The following ITGA8 variants were observed in gnomAD, a reference collection of about 807,000 sequenced individuals.
The protein encoded by ITGA8 is integrin alpha-8.
A neutral mutation model predicts 142.3 loss-of-function variants in ITGA8; 91 were observed. The observed-to-expected ratio is 0.64, with a 90% CI of 0.54 to 0.76. The LOEUF (loss-of-function observed/expected upper bound fraction) is 0.76, where lower values mean the gene tolerates loss of function less well. ITGA8 is among the 30% of genes least tolerant of loss of function. The pLI, the probability that ITGA8 is intolerant of heterozygous loss-of-function variation, is 0.00. For synonymous variants in ITGA8, 505 were observed against 485.2 expected, an observed-to-expected ratio of 1.04 and a Z score of -0.54; for missense variants, 1,406 against 1,327.7, an observed-to-expected ratio of 1.06 and a Z score of -0.92.
chr10:15,610,256 A>G (rs2131613285), intron 15 of ITGA8, among the ~76,000 whole-genome samples: 1 of 152,322 alleles, frequency 6.6e-6, no homozygotes, highest in South Asian at 2.1e-4. Context: ...TCAAGATTTT[A>G]TAGTAGTGGG....
At chr10:15,628,590 C>G (rs1833630240) in intron 13 of ITGA8, among the ~76,000 whole-genome samples, 1 of 151,728 alleles carries the variant, frequency 6.6e-6, no homozygotes, top group Non-Finnish European at 1.5e-5. Context: ...CCTTGGCCTC[C>G]CAAAGTGCTG....
intron 2 of ITGA8, among the ~76,000 whole-genome samples, chr10:15,698,850 G>A (rs978629541): frequency 1.3e-5 from 2 of 152,078 alleles, no homozygotes; most frequent in Non-Finnish European, 1.5e-5. Flanking sequence ...ATGTTCTCCC[G>A]CTCTGTGGGT....
chr10:15,609,773 AC>A (rs1833259413), intron 15 of ITGA8, among the ~76,000 whole-genome samples: 1 of 152,180 alleles, frequency 6.6e-6, no homozygotes, highest in South Asian at 2.1e-4. Context: ...TTCATCTTTA[AC>A]TGTGTAGACC....
intron 2 of ITGA8, among the ~76,000 whole-genome samples, chr10:15,708,593 A>T (rs1052454824): frequency 6.6e-6 from 1 of 152,206 alleles, no homozygotes; most frequent in African/African-American, 2.4e-5. Flanking sequence ...AATTAAAAAA[A>T]AAGTTTTAAT....
At chr10:15,713,758 C>A (rs1228315590) in intron 2 of ITGA8, among the ~76,000 whole-genome samples, 2 of 152,222 alleles carry the variant, frequency 1.3e-5, no homozygotes, top group African/African-American at 2.4e-5. Flanking sequence ...CCCCCCAAAA[C>A]AAAGGCTTCC....
chr10:15,587,315 C>T (rs1030835777), intron 22 of ITGA8, among the ~76,000 whole-genome samples: 2 of 152,166 alleles, frequency 1.3e-5, no homozygotes, highest in Non-Finnish European at 2.9e-5. Context: ...AACATCTCTG[C>T]GCATATCATG....
intron 27 of ITGA8, among the ~76,000 whole-genome samples, chr10:15,538,808 A>G (rs1487614098): frequency 6.6e-6 from 1 of 152,084 alleles, no homozygotes; most frequent in East Asian, 1.9e-4. Context: ...TCAGATGACA[A>G]TTTATCATGA....
chr10:15,548,371 T>G (rs1421103487), intron 27 of ITGA8, 84 bp downstream of exon 27: 3 of 922,760 alleles, frequency 3.3e-6, no homozygotes, highest in Non-Finnish European at 5.1e-6. Flanking sequence ...AAATTAGAAA[T>G]CGCTATGAAA....
intron 8 of ITGA8, among the ~76,000 whole-genome samples, chr10:15,661,244 G>A (rs552490378): frequency 4.4e-4 from 67 of 152,320 alleles, no homozygotes; most frequent in African/African-American, 1.6e-3. Flanking sequence ...TCACCAGAGT[G>A]AGAACCCTAT....
rs1832921514 is a variant in ITGA8 at position 15,514,120 on chromosome 10, T to A, written c.*3038A>T. On this transcript the variant is annotated 3_prime_UTR_variant, in exon 30 of 30. Coordinates refer to ENST00000378076, the MANE Select transcript of ITGA8 (RefSeq NM_003638.3). Reference sequence around the variant, plus strand: ...ATTTACTGTATAAAAATCTCCAAGTTTATAAAACTTAATTTGCCCCATTAT... The same window carrying A: ...ATTTACTGTATAAAAATCTCCAAGTATATAAAACTTAATTTGCCCCATTAT... 1 of 152,180 alleles carries A rather than the reference T, an allele frequency of 6.6e-6. No individual in the cohort carries two copies. The highest frequency in any genetic ancestry group is 2.4e-5 in the African/African-American group (1 of 41,442). The allele number at this position is 152,180 out of a possible 1,614,324, so 9.4% of individuals were successfully genotyped here. A position where few individuals can be genotyped will look rare whatever the true frequency, so the allele number is the denominator to read the frequency against.
intron 14 of ITGA8, among the ~76,000 whole-genome samples, chr10:15,614,907 TGG>T (rs1001366262): frequency 6.6e-6 from 1 of 152,106 alleles, no homozygotes; most frequent in African/African-American, 2.4e-5. Flanking sequence ...AGAGATATAC[TGG>T]GATCAAACAC....
At chr10:15,660,623 C>T (rs958557810) in intron 9 of ITGA8, among the ~76,000 whole-genome samples, 11 of 152,088 alleles carry the variant, frequency 7.2e-5, no homozygotes, top group Admixed American at 4.6e-4. Context: ...TAGCAATATG[C>T]GATATGATGC....
At chr10:15,556,018 CTTTT>C (rs869241754) in intron 26 of ITGA8, among the ~76,000 whole-genome samples, 4 of 53,630 alleles carry the variant, frequency 7.5e-5, no homozygotes, top group African/African-American at 3.4e-4. Flanking sequence ...CTCTCTCTCT[CTTTT>C]TTTTTTTTTT....
At chr10:15,617,135 T>C (rs2131619787) in intron 13 of ITGA8, among the ~76,000 whole-genome samples, 1 of 152,338 alleles carries the variant, frequency 6.6e-6, no homozygotes, top group South Asian at 2.1e-4. Flanking sequence ...AAATAGCACA[T>C]GGAACAGCAC....
chr10:15,709,472 ATAT>A (rs955383547), intron 2 of ITGA8, among the ~76,000 whole-genome samples: 7 of 152,338 alleles, frequency 4.6e-5, no homozygotes, highest in Middle Eastern at 3.4e-3. Context: ...AAGGAAAAAA[ATAT>A]TATTATACAT....
chr10:15,564,493 C>A (rs1156914413), intron 25 of ITGA8, among the ~76,000 whole-genome samples: 1 of 152,194 alleles, frequency 6.6e-6, no homozygotes, highest in East Asian at 1.9e-4. Context: ...TTCTGTAGAA[C>A]AAATGAAAAT....
At chr10:15,678,657 T>G in intron 5 of ITGA8, 65 bp downstream of exon 5, 3 of 1,067,076 alleles carry the variant, frequency 2.8e-6, no homozygotes, top group African/African-American at 1.6e-5. Flanking sequence ...GGTGTGGGAG[T>G]GAGAGGCAGA....
chr10:15,701,095 T>G (rs1450997635), intron 2 of ITGA8, among the ~76,000 whole-genome samples: 1 of 152,234 alleles, frequency 6.6e-6, no homozygotes, highest in Non-Finnish European at 1.5e-5. Context: ...ATCTATTCAT[T>G]CAAAAATTTG....
chr10:15,687,368 T>G (rs564851863), intron 3 of ITGA8, among the ~76,000 whole-genome samples: 25 of 152,316 alleles, frequency 1.6e-4, no homozygotes, highest in African/African-American at 4.8e-4. Flanking sequence ...AACTTAGACA[T>G]GTATCATTGC....
Sources: gnomAD v4.1 joint callset for allele counts (sites outside exome capture counted in the v4.1 genomes callset) on GRCh38, gnomAD v4.1.1 for gene constraint, MANE v1.5 for transcripts, NCBI Gene and HGNC (gene_info 2026-07-23, HGNC 2026-07-21) for gene names.